Variants in CGREF1 observed in about 807,000 individuals in gnomAD.
CGREF1 encodes cell growth regulator with EF hand domain protein 1.
Under a neutral mutation model 17.4 loss-of-function variants are expected in CGREF1, and 16 were observed. That is an observed-to-expected ratio of 0.92 (90% CI 0.62 to 1.40). CGREF1 has a LOEUF of 1.40. Among genes scored for constraint, CGREF1 ranks in the 40% most tolerant of loss-of-function variants. The pLI, the probability that CGREF1 is intolerant of heterozygous loss-of-function variation, is 0.00. For synonymous variants in CGREF1, 142 were observed against 154.6 expected, an observed-to-expected ratio of 0.92 and a Z score of 0.61; for missense variants, 296 against 376.4, an observed-to-expected ratio of 0.79 and a Z score of 1.77.
chr2:27,100,498 C>T, downstream of CGREF1: 1 of 1,291,016 alleles, frequency 7.7e-7, no homozygotes, highest in Non-Finnish European at 1.0e-6. Context: ...CGATCTGGAA[C>T]ACATATTGGA....
rs1671689754 is a variant in CGREF1, at chr2:27,118,873, G to C, written c.-39C>G. 1.3e-5 allele frequency: 2 copies of C among 152,042 alleles called. No individual in the cohort carries two copies. The highest frequency in any genetic ancestry group is 2.9e-5 in the Non-Finnish European group (2 of 68,104). 9.4% of individuals were successfully genotyped at this position (152,042 alleles called of 1,614,324 possible). A position where few individuals can be genotyped will look rare whatever the true frequency, so the allele number is the denominator to read the frequency against. ...GCTGCGGCGCCGCGCGGCTCTGGGGGTCCAGCTCCGTGGGCGCTCCTGGCT... is the reference window on the plus strand; with the variant it reads ...GCTGCGGCGCCGCGCGGCTCTGGGGCTCCAGCTCCGTGGGCGCTCCTGGCT... On this transcript the variant is annotated 5_prime_UTR_variant, in exon 1 of 6. Coordinates refer to ENST00000402394, the MANE Select transcript of CGREF1 (RefSeq NM_006569.6).
At chr2:27,100,440 C>A, downstream of CGREF1, 1 of 1,291,022 alleles carries the variant, frequency 7.7e-7, no homozygotes, top group Non-Finnish European at 1.0e-6. Context: ...CGTGCCTCAG[C>A]CACAAATGTG....
intron 2 of CGREF1, among the ~76,000 whole-genome samples, chr2:27,103,751 G>A (rs1194698252): frequency 4.0e-5 from 6 of 149,772 alleles, no homozygotes; most frequent in South Asian, 2.2e-4. Flanking sequence ...TTGAGAGGCC[G>A]ATGTGGGCGG....
At chr2:27,099,366 A>C, downstream of CGREF1, 1 of 1,612,036 alleles carries the variant, frequency 6.2e-7, no homozygotes, top group Non-Finnish European at 8.5e-7. Flanking sequence ...AGCTGGGAGG[A>C]TGGCTGGGGG....
In CGREF1 at chr2:27,102,357, C is replaced by CA; in HGVS notation, c.217+2dup. On this transcript the variant is annotated splice_region_variant and intron_variant, in intron 4 of 5. Coordinates refer to ENST00000402394, the MANE Select transcript of CGREF1 (RefSeq NM_006569.6). ...CCCTGGCCCCATCAGCCCAGCCCCTCACCCTGCTCCCGGCTCAGATGCTCC... is the reference window on the plus strand; with the variant it reads ...CCCTGGCCCCATCAGCCCAGCCCCTCAACCCTGCTCCCGGCTCAGATGCTCC... 6.2e-7 allele frequency: 1 copy of CA among 1,614,122 alleles called. No homozygotes were observed. The highest frequency in any genetic ancestry group is 8.5e-7 in the Non-Finnish European group (1 of 1,179,960).
chr2:27,102,257 G>A (rs768522614), intron 4 of CGREF1, 36 bp from the exon 5 acceptor site: 32 of 1,610,514 alleles, frequency 2.0e-5, no homozygotes, highest in South Asian at 5.5e-5. Context: ...AAGAGGTGCC[G>A]GGGGAGGTGG....
chr2:27,100,465 G>A (rs976707941), downstream of CGREF1: 23 of 1,290,948 alleles, frequency 1.8e-5, no homozygotes, highest in Non-Finnish European at 2.3e-5. Context: ...AGGATACAGA[G>A]TGTTGCTGTC....
At chr2:27,118,178 G>T (rs1004544562) in intron 1 of CGREF1, among the ~76,000 whole-genome samples, 1 of 152,034 alleles carries the variant, frequency 6.6e-6, no homozygotes, top group Non-Finnish European at 1.5e-5. Context: ...GGTTATCCTG[G>T]GTAACTTCCC....
intron 1 of CGREF1, chr2:27,104,639 C>T: frequency 6.4e-7 from 1 of 1,550,582 alleles, no homozygotes; most frequent in Non-Finnish European, 8.7e-7. Context: ...GGGCGCATCC[C>T]CACCCCACGC....
chr2:27,110,673 C>A, intron 1 of CGREF1: 1 of 155,990 alleles, frequency 6.4e-6, no homozygotes, highest in South Asian at 2.0e-4. Context: ...TGGTTCACAC[C>A]TGTAATCCCA....
rs144743674 is a variant in CGREF1, at chr2:27,115,415, C to A, written c.-12+3431G>T. On this transcript the variant is annotated intron_variant, in intron 1 of 5. Coordinates refer to ENST00000402394, the MANE Select transcript of CGREF1 (RefSeq NM_006569.6). The stretch of plus-strand genomic sequence containing the variant: ...GCTCCACCACTGAGTGTCCCTGTGA[C>A]CTTGGGTAAATTAATTTTTCTCACT... Among the ~76,000 whole-genome samples the A allele has an allele frequency of 1.8e-4, 28 of 152,292 alleles. No homozygotes were observed. The East Asian group carries it at 5.4e-3, about 29-fold the overall frequency.
intron 1 of CGREF1, among the ~76,000 whole-genome samples, chr2:27,106,046 C>T (rs1413930487): frequency 6.6e-6 from 1 of 152,138 alleles, no homozygotes; most frequent in African/African-American, 2.4e-5. Context: ...GTCCTGGGCC[C>T]GTTCAAGGTA....
intron 1 of CGREF1, among the ~76,000 whole-genome samples, chr2:27,116,872 T>TCTCTCTCTCTCTCTCTCTCTCTCC (rs1558466755): frequency 5.5e-4 from 7 of 12,810 alleles, no homozygotes; most frequent in African/African-American, 1.1e-3. Context: ...CCAGGCCTAT[T>TCTCTCTCTCTCTCTCTCTCTCTCC]CTCTCTCTCT....
At position 27,118,886 on chromosome 2, in the gene CGREF1, G is replaced by A. The variant is rs555897933; in HGVS notation, c.-52C>T. On this transcript the variant is annotated 5_prime_UTR_variant, in exon 1 of 6. Transcript: ENST00000402394. ...GCGGCTCTGGGGGTCCAGCTCCGTG[G>A]GCGCTCCTGGCTGCTGCGCCGCCCG... The A allele has an allele frequency of 3.4e-3, 514 of 152,154 alleles. 1 individual carries two copies. The highest frequency in any genetic ancestry group is 0.013 in the South Asian group (65 of 5,070). The allele number at this position is 152,154 out of a possible 1,614,324, so 9.4% of individuals were successfully genotyped here. A position where few individuals can be genotyped will look rare whatever the true frequency, so the allele number is the denominator to read the frequency against.
intron 1 of CGREF1, among the ~76,000 whole-genome samples, chr2:27,113,678 C>T (rs1474255702): frequency 6.6e-6 from 1 of 152,174 alleles, no homozygotes; most frequent in Non-Finnish European, 1.5e-5. Context: ...TCAGGTTCTC[C>T]ATCTGTAATG....
At chr2:27,104,457 G>C (rs1671038458) in intron 1 of CGREF1, 80 bp from the exon 2 acceptor site, 1 of 1,568,570 alleles carries the variant, frequency 6.4e-7, no homozygotes, top group Non-Finnish European at 8.7e-7. Flanking sequence ...TTAGACACAA[G>C]CGCATTTTCT....
downstream of CGREF1, chr2:27,100,377 A>T (rs1427228147): frequency 3.2e-6 from 4 of 1,232,250 alleles, no homozygotes; most frequent in East Asian, 1.7e-4. Flanking sequence ...CCTCCCGCTG[A>T]CTGCCCCAGA....
intron 1 of CGREF1, among the ~76,000 whole-genome samples, chr2:27,115,938 G>A (rs542504449): frequency 7.4e-4 from 113 of 152,176 alleles, no homozygotes; most frequent in Non-Finnish European, 1.4e-3. Context: ...ATTGGGCTGA[G>A]TACAATGGCT....
intron 1 of CGREF1, among the ~76,000 whole-genome samples, chr2:27,116,261 T>TTACAC: frequency 6.8e-6 from 1 of 148,030 alleles, no homozygotes; most frequent in Admixed American, 6.7e-5. Flanking sequence ...GCATGGTGGC[T>TTACAC]TACACCTGTA....
Sources: gnomAD v4.1 joint callset for allele counts (sites outside exome capture counted in the v4.1 genomes callset) on GRCh38, gnomAD v4.1.1 for gene constraint, MANE v1.5 for transcripts, NCBI Gene and HGNC (gene_info 2026-07-23, HGNC 2026-07-21) for gene names.